ZDHHC11B: variants seen among roughly 807,000 people sequenced by gnomAD.
The protein encoded by ZDHHC11B is zDHHC palmitoyltransferase 11B (putative).
ZDHHC11B carries 17 observed loss-of-function variants against 42.3 expected under a neutral mutation model. The ratio of observed to expected loss-of-function variants is 0.40; its 90% confidence interval spans 0.27 to 0.60. The LOEUF (loss-of-function observed/expected upper bound fraction) is 0.60. Ranked by LOEUF, ZDHHC11B falls within the 20% of genes least tolerant of loss-of-function variation. ZDHHC11B has a pLI of 0.41. For synonymous variants in ZDHHC11B, 123 were observed against 193.5 expected, an observed-to-expected ratio of 0.64 and a Z score of 3.02; for missense variants, 262 against 463.2, an observed-to-expected ratio of 0.57 and a Z score of 3.99.
chr5:745,367 G>C, intron 8 of ZDHHC11B, 69 bp from the exon 9 acceptor site: 1 of 1,445,868 alleles, frequency 6.9e-7, no homozygotes, highest in Non-Finnish European at 9.6e-7. Flanking sequence ...CCACAGGACA[G>C]CTCAGCAGGG....
chr5:763,858 T>C (rs1448149208), intron 4 of ZDHHC11B, among the ~76,000 whole-genome samples: 1 of 151,888 alleles, frequency 6.6e-6, no homozygotes, highest in African/African-American at 2.4e-5. Context: ...TTTCCCGATG[T>C]CCGAGATTTT....
intron 1 of ZDHHC11B, among the ~76,000 whole-genome samples, chr5:777,770 C>G (rs543156983): frequency 3.3e-5 from 5 of 151,994 alleles, no homozygotes; most frequent in African/African-American, 1.2e-4. Flanking sequence ...CTTTCTCTAT[C>G]GGATCCTGAG....
chr5:751,703 A>G (rs2018692), intron 6 of ZDHHC11B, among the ~76,000 whole-genome samples: 3,254 of 124,104 alleles, frequency 0.026, 149 homozygotes, highest in African/African-American at 0.084. Flanking sequence ...GCTCCCGACC[A>G]TGCCTGGAAG....
intron 12 of ZDHHC11B, among the ~76,000 whole-genome samples, chr5:730,016 G>A (rs1285805125): frequency 6.6e-6 from 1 of 151,220 alleles, no homozygotes; most frequent in East Asian, 1.9e-4. Context: ...TTTGGAGGGT[G>A]AAAAAGTGGT....
At chr5:784,224 C>G (rs1411762637) in intron 1 of ZDHHC11B, among the ~76,000 whole-genome samples, 8 of 151,610 alleles carry the variant, frequency 5.3e-5, no homozygotes, top group Non-Finnish European at 1.2e-4. Flanking sequence ...TGGCTTCATT[C>G]CAGCCCTCCA....
At chr5:764,235 C>G (rs1734985389) in intron 4 of ZDHHC11B, among the ~76,000 whole-genome samples, 1 of 152,004 alleles carries the variant, frequency 6.6e-6, no homozygotes, top group African/African-American at 2.4e-5. Flanking sequence ...GCAGCCCTGG[C>G]AGCCCTCGCT....
intron 11 of ZDHHC11B, among the ~76,000 whole-genome samples, 166 bp from the exon 12 acceptor site, chr5:730,634 C>G (rs55696472): frequency 2.0e-3 from 299 of 151,758 alleles, no homozygotes; most frequent in African/African-American, 7.0e-3. Flanking sequence ...CAGCACGCTT[C>G]CTCCCAATCC....
In ZDHHC11B at chr5:716,844, C is replaced by T. The variant is rs1741787433; in HGVS notation, c.1080G>A (p.Glu360=). ...STLGLQQETT[E]PMKTDSAESE... is the part of the protein sequence containing the mutation. The stretch of plus-strand genomic sequence containing the variant: ...TTTCAGCACTGTCAGTTTTCATGGG[C>T]TCTGTTGTTTCTTGTTGCAGCCTGT... Residue 360 remains glutamate, a synonymous_variant, in exon 13 of 14, where the codon GAG becomes GAA. Transcript: ENST00000508859. 4 of 1,613,114 alleles carry T rather than the reference C, an allele frequency of 2.5e-6. No individual in the cohort carries two copies. The highest frequency in any genetic ancestry group is 1.1e-5 in the South Asian group (1 of 91,016).
chr5:765,698 G>A (rs1319029539), intron 4 of ZDHHC11B, among the ~76,000 whole-genome samples: 1 of 151,884 alleles, frequency 6.6e-6, no homozygotes, highest in African/African-American at 2.4e-5. Flanking sequence ...GCCTTTATGA[G>A]CTCTAACACT....
intron 1 of ZDHHC11B, among the ~76,000 whole-genome samples, chr5:771,178 G>A (rs1735998491): frequency 6.6e-6 from 1 of 151,850 alleles, no homozygotes; most frequent in Non-Finnish European, 1.5e-5. Context: ...GACTCACGAA[G>A]CCCTCTCAGA....
chr5:776,457 C>T (rs1736493290), intron 1 of ZDHHC11B, among the ~76,000 whole-genome samples: 1 of 151,886 alleles, frequency 6.6e-6, no homozygotes, highest in Non-Finnish European at 1.5e-5. Context: ...CCAAGGGAGA[C>T]CGGGTAGGCC....
chr5:772,872 C>G (rs1362772629), intron 1 of ZDHHC11B, among the ~76,000 whole-genome samples: 3 of 151,826 alleles, frequency 2.0e-5, no homozygotes, highest in African/African-American at 7.3e-5. Context: ...CTTCACTGTT[C>G]TAGGTTCTTG....
In ZDHHC11B at chr5:783,817, CAAAACA is replaced by C. The variant is rs1464421330; in HGVS notation, c.-230+845_-230+850del. ...AAAACAGCAGCCCCCTAAACCCCATCAAAACAGCAGCCTCCCAAACCCCATCAAAAC... is the reference window on the plus strand; with the variant it reads ...AAAACAGCAGCCCCCTAAACCCCATCGCAGCCTCCCAAACCCCATCAAAAC... On this transcript the variant is annotated intron_variant, in intron 1 of 13. Coordinates refer to ENST00000508859, the MANE Select transcript of ZDHHC11B (RefSeq NM_001351303.2). Among the ~76,000 whole-genome samples, 342 of 108,186 alleles carry C rather than the reference CAAAACA, an allele frequency of 3.2e-3. 4 individuals carry two copies. Among genetic ancestry groups the C allele is most frequent in the African/African-American group, 0.014 (327 of 22,578 alleles). The allele number at this position is 108,186 out of a possible 152,430, so 71.0% of individuals were successfully genotyped here. A position where few individuals can be genotyped will look rare whatever the true frequency, so the allele number is the denominator to read the frequency against.
At chr5:729,047 G>A (rs1742806766) in intron 12 of ZDHHC11B, among the ~76,000 whole-genome samples, 1 of 150,942 alleles carries the variant, frequency 6.6e-6, no homozygotes, top group African/African-American at 2.4e-5. Context: ...ATGATCCAGG[G>A]CAGCTGGGTT....
intron 1 of ZDHHC11B, among the ~76,000 whole-genome samples, 116 bp downstream of exon 1, chr5:784,552 G>T (rs1481065175): frequency 6.6e-6 from 1 of 152,352 alleles, no homozygotes; most frequent in Non-Finnish European, 1.5e-5. Context: ...GTGGCTCGGG[G>T]GAGCGCGGGG....
chr5:748,141 G>A lies in ZDHHC11B; in HGVS notation c.784+263C>T. 3 of 560,786 alleles carry A rather than the reference G, an allele frequency of 5.3e-6. 1 individual carries two copies. Among genetic ancestry groups the A allele is most frequent in the Admixed American group, 6.5e-5 (2 of 30,778 alleles). 34.7% of individuals were successfully genotyped at this position (560,786 alleles called of 1,614,324 possible). A position where few individuals can be genotyped will look rare whatever the true frequency, so the allele number is the denominator to read the frequency against. On this transcript the variant is annotated intron_variant, in intron 8 of 13. Transcript: ENST00000508859. ...ACTTCAAGCACCCGGCAGCGCTCCT[G>A]CAGGTCTCAGCGTTGAGTTCAGCTT...
rs1741302296 is a variant in ZDHHC11B, at chr5:710,788, C to G, written c.*1502G>C. ...TGCTGTGAGCTCCCATTTCCCAGTACTGTGCTCCCATTTCCGAATACTGTG... is the reference window on the plus strand; with the variant it reads ...TGCTGTGAGCTCCCATTTCCCAGTAGTGTGCTCCCATTTCCGAATACTGTG... On this transcript the variant is annotated 3_prime_UTR_variant, in exon 14 of 14. Transcript: ENST00000508859. 1 of 153,476 alleles carries G rather than the reference C, an allele frequency of 6.5e-6. No individual in the cohort carries two copies. The highest frequency in any genetic ancestry group is 1.5e-5 in the Non-Finnish European group (1 of 68,636). 9.5% of individuals were successfully genotyped at this position (153,476 alleles called of 1,614,324 possible).
chr5:774,200 A>T (rs1322688122), intron 1 of ZDHHC11B, among the ~76,000 whole-genome samples: 1 of 152,068 alleles, frequency 6.6e-6, no homozygotes, highest in Non-Finnish European at 1.5e-5. Context: ...GTCAGAATGA[A>T]TCTCCTGGGA....
At chr5:769,211 G>C (rs1735754816) in intron 1 of ZDHHC11B, among the ~76,000 whole-genome samples, 1 of 113,688 alleles carries the variant, frequency 8.8e-6, no homozygotes, top group African/African-American at 2.9e-5. Context: ...ATTTTCAAAT[G>C]GATCACTCAA....
Sources: gnomAD v4.1 joint callset for allele counts (sites outside exome capture counted in the v4.1 genomes callset) on GRCh38, gnomAD v4.1.1 for gene constraint, MANE v1.5 for transcripts, NCBI Gene and HGNC (gene_info 2026-07-23, HGNC 2026-07-21) for gene names.